Variants in GPC6 observed in about 807,000 individuals in gnomAD.
The protein encoded by GPC6 is glypican 6.
A neutral mutation model predicts 55.2 loss-of-function variants in GPC6; 14 were observed. The ratio of observed to expected loss-of-function variants is 0.25; its 90% CI spans 0.17 to 0.40. GPC6 has a LOEUF of 0.40. Among genes scored for constraint, GPC6 ranks in the 10% least tolerant of loss-of-function variants. The pLI is 1.00. For missense variants in GPC6, 641 were observed against 708.5 expected (o/e 0.90, Z 1.08); for synonymous variants, 278 against 259.6 (o/e 1.07, Z -0.68).
chr13:93,672,215 ATGTG>A (rs768893805), intron 2 of GPC6, among the ~76,000 whole-genome samples: 8 of 142,562 alleles, frequency 5.6e-5, no homozygotes, highest in East Asian at 2.1e-4. Flanking sequence ...GTGTGTGTAT[ATGTG>A]TGTGTGTGTG....
chr13:93,855,514 A>T (rs886571873), intron 3 of GPC6, among the ~76,000 whole-genome samples: 2 of 151,594 alleles, frequency 1.3e-5, no homozygotes, highest in African/African-American at 4.8e-5. Flanking sequence ...TTTTGTGTGG[A>T]TATGTTTTCA....
intron 3 of GPC6, among the ~76,000 whole-genome samples, chr13:93,933,826 T>C (rs748703673): frequency 6.6e-6 from 1 of 152,234 alleles, no homozygotes; most frequent in Non-Finnish European, 1.5e-5. Flanking sequence ...AACTATTGTT[T>C]AGAAAATCAA....
intron 5 of GPC6, among the ~76,000 whole-genome samples, chr13:94,288,590 C>A (rs1036615455): frequency 6.6e-6 from 1 of 150,640 alleles, no homozygotes; most frequent in Non-Finnish European, 1.5e-5. Context: ...TGGTCTCTCT[C>A]TCTCTCAGCT....
At chr13:93,910,386 C>T (rs1225361483) in intron 3 of GPC6, among the ~76,000 whole-genome samples, 1 of 152,116 alleles carries the variant, frequency 6.6e-6, no homozygotes, top group African/African-American at 2.4e-5. Context: ...GACCATTAAA[C>T]CTCTTTCCTT....
At chr13:93,571,856 C>A (rs368210148) in intron 2 of GPC6, among the ~76,000 whole-genome samples, 4 of 151,946 alleles carry the variant, frequency 2.6e-5, no homozygotes, top group Non-Finnish European at 5.9e-5. Flanking sequence ...CACAATGGTC[C>A]ATTTTATTCA....
chr13:94,365,016 C>A (rs1244488086), intron 6 of GPC6, among the ~76,000 whole-genome samples: 1 of 152,150 alleles, frequency 6.6e-6, no homozygotes, highest in Admixed American at 6.5e-5. Flanking sequence ...TGAATACAAC[C>A]AAAAACCAGG....
intron 1 of GPC6, among the ~76,000 whole-genome samples, chr13:93,384,448 G>A (rs1875313938): frequency 6.6e-6 from 1 of 151,570 alleles, no homozygotes; most frequent in Non-Finnish European, 1.5e-5. Flanking sequence ...TTAGTAACGT[G>A]ATTGGATCGA....
intron 1 of GPC6, among the ~76,000 whole-genome samples, chr13:93,340,029 T>TC (rs1230733591): frequency 1.3e-4 from 10 of 77,044 alleles, no homozygotes; most frequent in South Asian, 6.5e-4. Context: ...TTTCTTTCTT[T>TC]TTTTTTTTTT....
intron 1 of GPC6, among the ~76,000 whole-genome samples, chr13:93,442,484 T>C (rs1877842320): frequency 6.6e-6 from 1 of 152,176 alleles, no homozygotes; most frequent in Non-Finnish European, 1.5e-5. Context: ...TATACAATTT[T>C]ATATCATCCT....
In GPC6 at chr13:93,227,710, G is replaced by A. The variant is rs1482594812; in HGVS notation, c.160+94G>A. On this transcript the variant is annotated intron_variant, in intron 1 of 8. Coordinates refer to ENST00000377047, the MANE Select transcript of GPC6 (RefSeq NM_005708.5). This position sits in a 1 kb window ranked among gnomAD's most constrained non-coding sequence, Gnocchi z 4.3. ...CGTCCCCTTCCTTCCCCCTGTTGCT[G>A]AGTTGGTGCTCACTTTCTGCCACCG... 9.9e-7 allele frequency: 1 copy of A among 1,008,608 alleles called. No homozygotes were observed. Among genetic ancestry groups the A allele is most frequent in the Non-Finnish European group, 1.5e-6 (1 of 686,554 alleles). The allele number at this position is 1,008,608 out of a possible 1,614,324, so 62.5% of individuals were successfully genotyped here.
chr13:94,125,524 T>C (rs185342501), intron 4 of GPC6, among the ~76,000 whole-genome samples: 5 of 152,258 alleles, frequency 3.3e-5, no homozygotes, highest in African/African-American at 1.2e-4. Context: ...GTTATTCATT[T>C]TGAAAAACTC....
At chr13:94,000,416 G>GACT (rs1881746938) in intron 3 of GPC6, among the ~76,000 whole-genome samples, 1 of 152,160 alleles carries the variant, frequency 6.6e-6, no homozygotes, top group Non-Finnish European at 1.5e-5. Context: ...GACACCTTGA[G>GACT]ACTAGCATCA....
intron 4 of GPC6, among the ~76,000 whole-genome samples, chr13:94,232,307 G>C (rs1289975254): frequency 6.6e-6 from 1 of 152,106 alleles, no homozygotes; most frequent in Non-Finnish European, 1.5e-5. Flanking sequence ...TTAAGGAAAC[G>C]AGCAGGAGAG....
intron 4 of GPC6, among the ~76,000 whole-genome samples, chr13:94,209,077 G>T (rs1483470409): frequency 1.1e-3 from 170 of 152,210 alleles, no homozygotes; most frequent in African/African-American, 3.7e-3. Context: ...ATAGGTATGT[G>T]TAATATTTTA....
chr13:94,202,196 G>A (rs2138977213), intron 4 of GPC6, among the ~76,000 whole-genome samples: 1 of 152,260 alleles, frequency 6.6e-6, no homozygotes, highest in Non-Finnish European at 1.5e-5. Context: ...AGTGTTTCCA[G>A]CCCACAGTCC....
intron 4 of GPC6, among the ~76,000 whole-genome samples, chr13:94,184,590 T>C (rs1889107889): frequency 6.6e-6 from 1 of 152,076 alleles, no homozygotes; most frequent in Non-Finnish European, 1.5e-5. Flanking sequence ...CACAATGAGA[T>C]AGCATCTCAC....
intron 1 of GPC6, among the ~76,000 whole-genome samples, chr13:93,416,169 T>G (rs962877613): frequency 1.9e-4 from 29 of 152,114 alleles, no homozygotes; most frequent in African/African-American, 6.5e-4. Flanking sequence ...TCTAAATCAC[T>G]GGGTACTGTC....
chr13:93,880,883 A>T (rs1451549494), intron 3 of GPC6, among the ~76,000 whole-genome samples: 1 of 90,276 alleles, frequency 1.1e-5, no homozygotes, highest in Non-Finnish European at 2.3e-5. Flanking sequence ...AGCCTTTGCA[A>T]CTAAAAAAAA....
chr13:93,478,352 T>C lies in GPC6; in HGVS notation c.161-66911T>C, dbSNP rs534457891. ...AGGTTGAATAAATGACTACCTGAAA[T>C]CCCCATTTACAAATTGGTCTGATAC... On this transcript the variant is annotated intron_variant, in intron 1 of 8. Transcript: ENST00000377047. Among the ~76,000 whole-genome samples the C allele has an allele frequency of 5.9e-5, 9 of 152,272 alleles. No individual in the cohort carries two copies. The South Asian group carries it at 1.9e-3, about 32-fold the overall frequency.
Sources: gnomAD v4.1 joint callset for allele counts (sites outside exome capture counted in the v4.1 genomes callset) on GRCh38, gnomAD v4.1.1 for gene constraint, Gnocchi (gnomAD v3.1) non-coding constraint, MANE v1.5 for transcripts, NCBI Gene and HGNC (gene_info 2026-07-23, HGNC 2026-07-21) for gene names.